PSD2: variants seen among roughly 807,000 people sequenced by gnomAD.
PSD2 encodes the protein pleckstrin and Sec7 domain containing 2.
PSD2 carries 38 observed loss-of-function variants against 69.8 expected under a neutral mutation model. The ratio of observed to expected loss-of-function variants is 0.54; its 90% CI spans 0.42 to 0.71. The LOEUF (loss-of-function observed/expected upper bound fraction) is 0.71. PSD2 is among the 30% of genes least tolerant of loss of function. The pLI is 0.00. For missense variants in PSD2, 943 were observed against 1,014.5 expected (o/e 0.93, Z 0.96); for synonymous variants, 412 against 423.0 (o/e 0.97, Z 0.32).
At chr5:139,755,429 T>A in the PSD2 span, among the ~76,000 whole-genome samples, 1 of 152,074 alleles carries the variant, frequency 6.6e-6, no homozygotes, top group Non-Finnish European at 1.5e-5. Flanking sequence ...TGGGACATGT[T>A]ATGGGGTGCT....
chr5:139,828,731 A>G (rs536962420), intron 7 of PSD2, among the ~76,000 whole-genome samples: 52 of 152,262 alleles, frequency 3.4e-4, no homozygotes, highest in Non-Finnish European at 6.2e-4. Flanking sequence ...CTGTGCATGG[A>G]AATCAGACTT....
chr5:139,798,777 G>A (rs58914297), intron 1 of PSD2, among the ~76,000 whole-genome samples: 38,425 of 151,986 alleles, frequency 0.25, 5,240 homozygotes, highest in African/African-American at 0.37. Flanking sequence ...CAAAAATAAT[G>A]CATTGTTATC....
At chr5:139,747,941 C>T in the PSD2 span, among the ~76,000 whole-genome samples, 1 of 152,286 alleles carries the variant, frequency 6.6e-6, no homozygotes, top group Non-Finnish European at 1.5e-5. This position sits in a 1 kb window ranked among gnomAD's most constrained non-coding sequence, Gnocchi z 6.7. Context: ...GATCAGGAAG[C>T]TCAGGCCGTT....
chr5:139,788,062 G>T, the PSD2 span, among the ~76,000 whole-genome samples: 1 of 152,232 alleles, frequency 6.6e-6, no homozygotes, highest in South Asian at 2.1e-4. Context: ...TCAGAGTGCG[G>T]GCGAGCGGGG....
the PSD2 span, among the ~76,000 whole-genome samples, chr5:139,745,985 C>T: frequency 1.3e-5 from 2 of 152,186 alleles, no homozygotes; most frequent in Non-Finnish European, 2.9e-5. Context: ...CCAAGCCCCT[C>T]CTCCCCACCG....
chr5:139,781,505 T>A, the PSD2 span, among the ~76,000 whole-genome samples: 1 of 151,560 alleles, frequency 6.6e-6, no homozygotes, highest in African/African-American at 2.4e-5. Context: ...CCGGCTAATT[T>A]TTTGTATTTT....
intron 4 of PSD2, among the ~76,000 whole-genome samples, chr5:139,815,995 T>TAAAAA (rs768724760): frequency 1.3e-4 from 12 of 92,704 alleles, no homozygotes; most frequent in African/African-American, 2.6e-4. Flanking sequence ...CTCCATATAT[T>TAAAAA]AAAAAAAAAA....
At position 139,842,528 on chromosome 5, in the gene PSD2, G is replaced by A; in HGVS notation, c.*54G>A. ...GGCAGATGTCTCCAGTGGGGTCAGT[G>A]AGCACAATTCCAGCCAGGGGCCACT... On this transcript the variant is annotated 3_prime_UTR_variant, in exon 15 of 15. Coordinates refer to ENST00000274710, the MANE Select transcript of PSD2 (RefSeq NM_032289.4). 6.5e-7 allele frequency: 1 copy of A among 1,540,220 alleles called. No homozygotes were observed. Among genetic ancestry groups the A allele is most frequent in the Non-Finnish European group, 8.9e-7 (1 of 1,119,546 alleles).
Position 139,809,789 on chromosome 5 carries a change from G to A in PSD2, c.349G>A (p.Asp117Asn). The A allele has an allele frequency of 6.2e-7, 1 of 1,614,184 alleles. No homozygotes were observed. Among genetic ancestry groups the A allele is most frequent in the Non-Finnish European group, 8.5e-7 (1 of 1,180,036 alleles). Residue 117 changes from aspartate to asparagine, a missense_variant, in exon 2 of 15, where the codon GAT (aspartate) becomes AAT (asparagine). Transcript: ENST00000274710. The part of the protein sequence containing the change: ...GDNASRSLYP[D>N]AEDPQLGLDG... ...CAATGCTTCCAGGAGCCTCTACCCA[G>A]ATGCTGAGGACCCTCAGCTGGGGTG...
chr5:139,804,999 C>CTGTG (rs750350472), intron 1 of PSD2, among the ~76,000 whole-genome samples: 4 of 149,836 alleles, frequency 2.7e-5, no homozygotes, highest in African/African-American at 7.4e-5. Flanking sequence ...GTGTGTGTCT[C>CTGTG]TGTGTGTGTG....
At position 139,813,322 on chromosome 5, in the gene PSD2, G is replaced by T. The variant is rs760454389; in HGVS notation, c.385G>T (p.Gly129Trp). 1 of 1,553,960 alleles carries T rather than the reference G, an allele frequency of 6.4e-7. No homozygotes were observed. The highest frequency in any genetic ancestry group is 1.4e-5 in the African/African-American group (1 of 73,892). Residue 129 changes from glycine (G) to tryptophan (W), a missense_variant, in exon 3 of 15, where the codon GGG (glycine) becomes TGG (tryptophan). This residue lies in a region of PSD2 where 466 missense variants were observed against 445.0 expected (regional missense o/e 1.05). Transcript: ENST00000274710. ...TGCATCCCACAGGTTGGATGGTCCC[G>T]GGGAGCCAGATGTGCGGGATGGCTT... is the stretch of plus-strand genomic sequence containing the variant. ...EDPQLGLDGPGEPDVRDGFSA... is the reference protein window; with the variant it reads ...EDPQLGLDGPWEPDVRDGFSA...
At chr5:139,745,317 C>T in the PSD2 span, 2 of 152,424 alleles carry the variant, frequency 1.3e-5, no homozygotes, top group East Asian at 3.9e-4. Flanking sequence ...CCTACCTGTC[C>T]CTCAATTTGC....
At chr5:139,765,825 C>A in the PSD2 span, among the ~76,000 whole-genome samples, 3 of 152,202 alleles carry the variant, frequency 2.0e-5, no homozygotes, top group Admixed American at 6.5e-5. Context: ...CCTCCGGGTC[C>A]GCCGCCACCG....
In PSD2 at chr5:139,843,544, CTG is replaced by C. The variant is rs1160199267; in HGVS notation, c.*1072_*1073del. On this transcript the variant is annotated 3_prime_UTR_variant, in exon 15 of 15. Coordinates refer to ENST00000274710, the MANE Select transcript of PSD2 (RefSeq NM_032289.4). ...TACTGCTATAGGAATAAAAGACACT[CTG>C]TCTCGCAAATGGCTGCTTGTCAACA... The C allele has an allele frequency of 6.6e-6, 1 of 152,238 alleles. No homozygotes were observed. The highest frequency in any genetic ancestry group is 2.4e-5 in the African/African-American group (1 of 41,456). 9.4% of individuals were successfully genotyped at this position (152,238 alleles called of 1,614,324 possible). A position where few individuals can be genotyped will look rare whatever the true frequency, so the allele number is the denominator to read the frequency against.
the PSD2 span, among the ~76,000 whole-genome samples, chr5:139,759,649 G>A: frequency 1.3e-5 from 2 of 152,230 alleles, no homozygotes; most frequent in East Asian, 1.9e-4. Flanking sequence ...CGGGCGCCGC[G>A]CCACGCCGGG....
chr5:139,814,486 C>T lies in PSD2; in HGVS notation c.1016+122C>T, dbSNP rs1456476992. 1 of 805,180 alleles carries T rather than the reference C, an allele frequency of 1.2e-6. No homozygotes were observed. The highest frequency in any genetic ancestry group is 1.8e-5 in the African/African-American group (1 of 55,418). 49.9% of individuals were successfully genotyped at this position (805,180 alleles called of 1,614,324 possible). ...CTGGGGGGGCACTCCCAACAGTTCC[C>T]CAAGGACACCTCCTCCCGCCACTGT... On this transcript the variant is annotated intron_variant, in intron 4 of 14. Transcript: ENST00000274710. This position sits in a 1 kb window ranked among gnomAD's most constrained non-coding sequence, Gnocchi z 4.4.
intron 5 of PSD2, 24 bp downstream of exon 5, chr5:139,817,585 T>C (rs1167947384): frequency 1.3e-6 from 2 of 1,569,796 alleles, no homozygotes; most frequent in Non-Finnish European, 8.8e-7. Flanking sequence ...GGACAGGCAG[T>C]GCCCACAAGT....
chr5:139,749,070 A>G, the PSD2 span, among the ~76,000 whole-genome samples: 1 of 152,206 alleles, frequency 6.6e-6, no homozygotes, highest in South Asian at 2.1e-4. Context: ...AGGGTAAGTC[A>G]GGCCCCCTGG....
chr5:139,830,265 A>T lies in PSD2; in HGVS notation c.1270-3437A>T, dbSNP rs1187655167. 2.0e-5 allele frequency among the ~76,000 whole-genome samples: 3 copies of T among 149,670 alleles called. No individual in the cohort carries two copies. The East Asian group carries it at 5.8e-4, about 29-fold the overall frequency. On this transcript the variant is annotated intron_variant, in intron 7 of 14. Coordinates refer to ENST00000274710, the MANE Select transcript of PSD2 (RefSeq NM_032289.4). Reference sequence around the variant, plus strand: ...TCTTAGAGTTCTTTATATATCCTTGATACTAGACCCTTAGTAGATACTTGA... The same window carrying T: ...TCTTAGAGTTCTTTATATATCCTTGTTACTAGACCCTTAGTAGATACTTGA...
Sources: allele counts gnomAD v4.1 joint callset (sites outside exome capture counted in the v4.1 genomes callset), GRCh38; gene constraint gnomAD v4.1.1; regional missense constraint gnomAD v4.1.1; non-coding constraint Gnocchi (gnomAD v3.1); transcripts MANE v1.5; gene names NCBI Gene and HGNC (gene_info 2026-07-23, HGNC 2026-07-21).